The following EFEMP1 variants were observed in gnomAD, a reference collection of about 807,000 sequenced individuals.
EFEMP1 encodes the protein EGF-like fibulin extracellular matrix protein 1.
Under a neutral mutation model 65.7 loss-of-function variants are expected in EFEMP1, and 18 were observed. That is an observed-to-expected ratio of 0.27 (90% CI 0.19 to 0.41). The LOEUF is 0.41. Among genes scored for constraint, EFEMP1 ranks in the 10% least tolerant of loss-of-function variants. The probability of loss-of-function intolerance (pLI) is 1.00; values close to 1 mark genes in which losing one functional copy is unlikely to be tolerated. For missense variants in EFEMP1, 469 were observed against 624.8 expected, an observed-to-expected ratio of 0.75 and a Z score of 2.66; for synonymous variants, 237 against 219.7, an observed-to-expected ratio of 1.08 and a Z score of -0.70.
At chr2:55,916,864 G>T (rs1369198333) in intron 5 of EFEMP1, among the ~76,000 whole-genome samples, 1 of 152,192 alleles carries the variant, frequency 6.6e-6, no homozygotes, top group Non-Finnish European at 1.5e-5. Context: ...CAAAGCCCCA[G>T]ATTCTTATCA....
chr2:55,876,786 A>G (rs1669053114), intron 7 of EFEMP1, 44 bp from the exon 8 acceptor site: 4 of 1,179,354 alleles, frequency 3.4e-6, no homozygotes, highest in Non-Finnish European at 4.7e-6. Flanking sequence ...ATGTATATAT[A>G]TACACACACA....
chr2:55,892,908 C>T (rs563923196), intron 5 of EFEMP1, among the ~76,000 whole-genome samples: 9 of 152,218 alleles, frequency 5.9e-5, no homozygotes, highest in Middle Eastern at 3.4e-3. Flanking sequence ...AGCACATCCA[C>T]GGAGTCTATC....
At chr2:55,881,272 G>C (rs992326614) in intron 6 of EFEMP1, among the ~76,000 whole-genome samples, 1 of 152,228 alleles carries the variant, frequency 6.6e-6, no homozygotes, top group Non-Finnish European at 1.5e-5. Flanking sequence ...CTCTGCAGCA[G>C]TGAATGGTGA....
intron 5 of EFEMP1, among the ~76,000 whole-genome samples, chr2:55,908,499 G>A (rs1670365852): frequency 6.6e-6 from 1 of 152,064 alleles, no homozygotes; most frequent in Admixed American, 6.6e-5. Flanking sequence ...TAAACAGGAA[G>A]ATTTTGAAAT....
chr2:55,880,611 C>T (rs1345034780), intron 6 of EFEMP1, among the ~76,000 whole-genome samples: 2 of 152,206 alleles, frequency 1.3e-5, no homozygotes, highest in African/African-American at 2.4e-5. Context: ...CTCACATTCT[C>T]AGGCGAAAAC....
intron 5 of EFEMP1, among the ~76,000 whole-genome samples, chr2:55,898,643 C>T (rs1480436471): frequency 1.3e-5 from 2 of 152,110 alleles, no homozygotes; most frequent in African/African-American, 4.8e-5. Flanking sequence ...CCTCCTCATC[C>T]TACACCTGTC....
At chr2:55,916,976 G>A (rs1194143903) in intron 5 of EFEMP1, among the ~76,000 whole-genome samples, 1 of 152,234 alleles carries the variant, frequency 6.6e-6, no homozygotes, top group African/African-American at 2.4e-5. Flanking sequence ...CATGGTGCAA[G>A]TGATATAAGT....
At position 55,918,386 on chromosome 2, in the gene EFEMP1, T is replaced by C; in HGVS notation, c.82-119A>G. On this transcript the variant is annotated intron_variant, in intron 3 of 11. Coordinates refer to ENST00000355426, the MANE Select transcript of EFEMP1 (RefSeq NM_001039348.3). Reference sequence around the variant, plus strand: ...ACAATCCTTGTGCTAAAGTCCTAGATATATGATGAGATGGGTGGTTTAACA... The same window carrying C: ...ACAATCCTTGTGCTAAAGTCCTAGACATATGATGAGATGGGTGGTTTAACA... 5.0e-6 allele frequency: 6 copies of C among 1,189,574 alleles called. No homozygotes were observed. The South Asian group carries it at 7.4e-5, about 15-fold the overall frequency. 73.7% of individuals were successfully genotyped at this position (1,189,574 alleles called of 1,614,324 possible).
rs1668761476 is a variant in EFEMP1, at chr2:55,870,499, C to T, written c.1320+221G>A. ...TCTTTCTGCATCTCACTTTTCTCCT[C>T]TGTAAAAAATGGAGATGAATATTAA... is the stretch of plus-strand genomic sequence containing the variant. On this transcript the variant is annotated intron_variant, in intron 11 of 11. Coordinates refer to ENST00000355426, the MANE Select transcript of EFEMP1 (RefSeq NM_001039348.3). The surrounding 1 kb of genome is among the most constrained non-coding windows in gnomAD (Gnocchi z 5.8). 6.6e-6 allele frequency among the ~76,000 whole-genome samples: 1 copy of T among 152,040 alleles called. No homozygotes were observed. Among genetic ancestry groups the T allele is most frequent in the African/African-American group, 2.4e-5 (1 of 41,400 alleles).
At chr2:55,916,689 G>A (rs138789338) in intron 5 of EFEMP1, among the ~76,000 whole-genome samples, 1 of 152,178 alleles carries the variant, frequency 6.6e-6, no homozygotes, top group Non-Finnish European at 1.5e-5. Flanking sequence ...CTGCACTATG[G>A]GATCTACCTA....
intron 5 of EFEMP1, among the ~76,000 whole-genome samples, chr2:55,900,991 T>C (rs1670010552): frequency 6.6e-6 from 1 of 152,216 alleles, no homozygotes; most frequent in African/African-American, 2.4e-5. Flanking sequence ...ACCTATTTAT[T>C]GTAATCTTAG....
intron 5 of EFEMP1, among the ~76,000 whole-genome samples, chr2:55,909,604 C>G (rs977241089): frequency 6.6e-6 from 1 of 152,108 alleles, no homozygotes; most frequent in Non-Finnish European, 1.5e-5. Flanking sequence ...TTCCCAATGT[C>G]CCCTCATCAT....
rs770587003 is a variant in EFEMP1, at chr2:55,867,410, A to G, written c.1321-176T>C. On this transcript the variant is annotated intron_variant, in intron 11 of 11. Coordinates refer to ENST00000355426, the MANE Select transcript of EFEMP1 (RefSeq NM_001039348.3). The surrounding 1 kb of genome is among the most constrained non-coding windows in gnomAD (Gnocchi z 4.3). ...CTTCTTGGCTCTTATCCCTTGTCTA[A>G]TACAGTCATTAGCTCCAAGTTTCAA... Among the ~76,000 whole-genome samples the G allele has an allele frequency of 6.7e-6, 1 of 150,134 alleles. No homozygotes were observed. The highest frequency in any genetic ancestry group is 1.5e-5 in the Non-Finnish European group (1 of 67,704).
intron 5 of EFEMP1, among the ~76,000 whole-genome samples, chr2:55,888,035 A>C (rs1431843835): frequency 6.6e-6 from 1 of 152,222 alleles, no homozygotes. Context: ...CAGTTCATGA[A>C]CATGGGGAAG....
In EFEMP1 at chr2:55,870,392, G is replaced by T. The variant is rs1360385782; in HGVS notation, c.1320+328C>A. On this transcript the variant is annotated intron_variant, in intron 11 of 11. Transcript: ENST00000355426. This position sits in a 1 kb window ranked among gnomAD's most constrained non-coding sequence, Gnocchi z 5.8. ...TGGGGGCAGAGGCGGGGGGATGGGA[G>T]GCTTGTATTTTCGTGGTCACACACA... 6.6e-6 allele frequency among the ~76,000 whole-genome samples: 1 copy of T among 151,842 alleles called. No individual in the cohort carries two copies.
rs1669424966 is a variant in EFEMP1, at chr2:55,886,484, A to C, written c.518-4750T>G. On this transcript the variant is annotated intron_variant, in intron 5 of 11. Transcript: ENST00000355426. This position sits in a 1 kb window ranked among gnomAD's most constrained non-coding sequence, Gnocchi z 4.0. Reference sequence around the variant, plus strand: ...GATACTTCTTGATCTGTGTGGATTTAAAACCTTATTATACCTAGCTTCCTC... The same window carrying C: ...GATACTTCTTGATCTGTGTGGATTTCAAACCTTATTATACCTAGCTTCCTC... Among the ~76,000 whole-genome samples, 1 of 152,222 alleles carries C rather than the reference A, an allele frequency of 6.6e-6. No homozygotes were observed.
At chr2:55,920,122 G>T (rs1188599089) in intron 3 of EFEMP1, among the ~76,000 whole-genome samples, 1 of 152,124 alleles carries the variant, frequency 6.6e-6, no homozygotes, top group Non-Finnish European at 1.5e-5. Context: ...CACCTGGATT[G>T]GTCTCAGGTG....
At position 55,875,365 on chromosome 2, in the gene EFEMP1, C is replaced by CACACACACACACACACACACAT. The variant is rs1457478860; in HGVS notation, c.881-301_881-300insATGTGTGTGTGTGTGTGTGTGT. On this transcript the variant is annotated intron_variant, in intron 8 of 11. Coordinates refer to ENST00000355426, the MANE Select transcript of EFEMP1 (RefSeq NM_001039348.3). ...ACACACACACACACACACACACACACATATATATTTTTTTTGTTCTGCTCA... is the reference window on the plus strand; with the variant it reads ...ACACACACACACACACACACACACACACACACACACACACACACACATATATATATTTTTTTTGTTCTGCTCA... Among the ~76,000 whole-genome samples, 113 of 137,092 alleles carry CACACACACACACACACACACAT rather than the reference C, an allele frequency of 8.2e-4. 2 individuals are homozygous for CACACACACACACACACACACAT. The highest frequency in any genetic ancestry group is 2.5e-3 in the African/African-American group (93 of 36,928). 89.9% of individuals were successfully genotyped at this position (137,092 alleles called of 152,430 possible). A position where few individuals can be genotyped will look rare whatever the true frequency, so the allele number is the denominator to read the frequency against.
At position 55,894,311 on chromosome 2, in the gene EFEMP1, G is replaced by A. The variant is rs113198917; in HGVS notation, c.518-12577C>T. 9.1e-3 allele frequency among the ~76,000 whole-genome samples: 1,380 copies of A among 152,310 alleles called. 19 individuals carry two copies. The highest frequency in any genetic ancestry group is 0.031 in the African/African-American group (1,285 of 41,552). On this transcript the variant is annotated intron_variant, in intron 5 of 11. Transcript: ENST00000355426. ...TTTTTTTGAGAATGTTAAGGACATTGTGGTCACCATCTTTCAAGACAGTAA... is the reference window on the plus strand; with the variant it reads ...TTTTTTTGAGAATGTTAAGGACATTATGGTCACCATCTTTCAAGACAGTAA...
Sources: allele counts gnomAD v4.1 joint callset (sites outside exome capture counted in the v4.1 genomes callset), GRCh38; gene constraint gnomAD v4.1.1; non-coding constraint Gnocchi (gnomAD v3.1); transcripts MANE v1.5; gene names NCBI Gene and HGNC (gene_info 2026-07-23, HGNC 2026-07-21).